HS3ST2: variants seen among roughly 807,000 people sequenced by gnomAD.
HS3ST2 encodes heparan sulfate-glucosamine 3-sulfotransferase 2, also known as heparan sulfate glucosamine 3-O-sulfotransferase 2.
Under a neutral mutation model 26.3 loss-of-function variants are expected in HS3ST2, and 17 were observed. The ratio of observed to expected loss-of-function variants is 0.65; its 90% CI spans 0.44 to 0.97. HS3ST2 has a LOEUF of 0.97. Ranked by LOEUF, HS3ST2 falls within the 50% of genes least tolerant of loss-of-function variation. The pLI is 0.00. For synonymous variants in HS3ST2, 237 were observed against 219.2 expected (o/e 1.08, Z -0.72); for missense variants, 402 against 501.2 (o/e 0.80, Z 1.89).
At chr16:22,841,309 C>T (rs1901352433) in intron 1 of HS3ST2, among the ~76,000 whole-genome samples, 1 of 152,130 alleles carries the variant, frequency 6.6e-6, no homozygotes, top group South Asian at 2.1e-4. Flanking sequence ...GATCTGCCCG[C>T]CTTGGCCTCC....
intron 1 of HS3ST2, among the ~76,000 whole-genome samples, chr16:22,900,098 T>C (rs982436803): frequency 6.6e-6 from 1 of 152,134 alleles, no homozygotes; most frequent in Non-Finnish European, 1.5e-5. Flanking sequence ...TTTTTGAGGG[T>C]CTCCTGCAGG....
chr16:22,820,946 C>G (rs1900982432), intron 1 of HS3ST2, among the ~76,000 whole-genome samples: 1 of 152,146 alleles, frequency 6.6e-6, no homozygotes, highest in Non-Finnish European at 1.5e-5. Flanking sequence ...AGGATGTTTC[C>G]ATACTGATTC....
intron 1 of HS3ST2, among the ~76,000 whole-genome samples, chr16:22,879,076 G>A (rs1291131234): frequency 6.6e-6 from 1 of 152,224 alleles, no homozygotes; most frequent in Non-Finnish European, 1.5e-5. Flanking sequence ...GTTTTCATGA[G>A]CTGAGCACCC....
intron 1 of HS3ST2, among the ~76,000 whole-genome samples, chr16:22,913,119 A>G (rs1260876240): frequency 5.7e-5 from 5 of 87,738 alleles, no homozygotes; most frequent in African/African-American, 1.1e-4. Flanking sequence ...GAAAGAGAAG[A>G]AAGAAAGGAA....
Position 22,851,248 on chromosome 16 carries a change from G to A in HS3ST2, c.485+36153G>A, listed in dbSNP as rs115361209. 3.5e-3 allele frequency among the ~76,000 whole-genome samples: 527 copies of A among 152,356 alleles called. 3 individuals carry two copies. The highest frequency in any genetic ancestry group is 0.012 in the African/African-American group (514 of 41,582). On this transcript the variant is annotated intron_variant, in intron 1 of 1. Coordinates refer to ENST00000261374, the MANE Select transcript of HS3ST2 (RefSeq NM_006043.2). ...GTGAAGAGCATCCTGTGTGTACAGG[G>A]AAGGGAGGAACTGATGGGGCACATA...
intron 1 of HS3ST2, among the ~76,000 whole-genome samples, chr16:22,901,823 C>T (rs1902285398): frequency 6.6e-6 from 1 of 152,200 alleles, no homozygotes; most frequent in African/African-American, 2.4e-5. Context: ...TCCTCCCCCT[C>T]ACTCCACAGT....
chr16:22,858,029 G>A (rs551069804), intron 1 of HS3ST2, among the ~76,000 whole-genome samples: 3 of 151,986 alleles, frequency 2.0e-5, no homozygotes, highest in East Asian at 1.9e-4. Context: ...TGTGCCAGCC[G>A]CCGTGCTAGA....
intron 1 of HS3ST2, among the ~76,000 whole-genome samples, chr16:22,822,426 C>G (rs1019309224): frequency 7.2e-5 from 11 of 152,070 alleles, no homozygotes; most frequent in African/African-American, 2.7e-4. Flanking sequence ...CCTCCACCTC[C>G]TAGAGTGCTG....
intron 1 of HS3ST2, among the ~76,000 whole-genome samples, chr16:22,885,600 C>G (rs1023905599): frequency 6.6e-6 from 1 of 151,822 alleles, no homozygotes; most frequent in Non-Finnish European, 1.5e-5. Flanking sequence ...GGATTACAGG[C>G]GTGCGCCACC....
At chr16:22,840,958 T>G in intron 1 of HS3ST2, among the ~76,000 whole-genome samples, 1 of 126,324 alleles carries the variant, frequency 7.9e-6, no homozygotes, top group Non-Finnish European at 1.7e-5. Context: ...ATGCTATTCC[T>G]CCCCCCTCCC....
At chr16:22,852,357 T>C (rs1402142006) in intron 1 of HS3ST2, among the ~76,000 whole-genome samples, 1 of 152,170 alleles carries the variant, frequency 6.6e-6, no homozygotes, top group Non-Finnish European at 1.5e-5. Flanking sequence ...TGGTAGTAAA[T>C]AGCTACTATA....
chr16:22,877,901 A>G (rs906054602), intron 1 of HS3ST2, among the ~76,000 whole-genome samples: 10 of 152,200 alleles, frequency 6.6e-5, no homozygotes, highest in African/African-American at 2.2e-4. Flanking sequence ...TCTTTCTTGC[A>G]TAGAGGGGGA....
intron 1 of HS3ST2, among the ~76,000 whole-genome samples, chr16:22,864,863 T>C (rs1457414554): frequency 2.5e-5 from 3 of 119,174 alleles, no homozygotes; most frequent in South Asian, 2.7e-4. Flanking sequence ...CTAGGCAACA[T>C]AGGGAGACCC....
chr16:22,881,576 G>A (rs745538345), intron 1 of HS3ST2, among the ~76,000 whole-genome samples: 5 of 152,204 alleles, frequency 3.3e-5, no homozygotes, highest in African/African-American at 9.6e-5. Context: ...CTTGCAGGAA[G>A]CTGACAGGAA....
At chr16:22,863,971 A>G (rs1026633558) in intron 1 of HS3ST2, among the ~76,000 whole-genome samples, 3 of 152,250 alleles carry the variant, frequency 2.0e-5, no homozygotes, top group African/African-American at 7.2e-5. Flanking sequence ...CCTCAAATGT[A>G]TAGAATGAAC....
chr16:22,881,059 T>G (rs1450322767), intron 1 of HS3ST2, among the ~76,000 whole-genome samples: 1 of 152,190 alleles, frequency 6.6e-6, no homozygotes, highest in African/African-American at 2.4e-5. Flanking sequence ...TTTCCATCAC[T>G]TGCAACCAAA....
chr16:22,893,167 A>C (rs948675625), intron 1 of HS3ST2, among the ~76,000 whole-genome samples: 2 of 152,340 alleles, frequency 1.3e-5, no homozygotes, highest in African/African-American at 4.8e-5. Context: ...TAGCTTCGCT[A>C]TTCAGTACCT....
intron 1 of HS3ST2, among the ~76,000 whole-genome samples, chr16:22,824,960 G>A (rs1391541667): frequency 1.3e-5 from 2 of 152,164 alleles, no homozygotes; most frequent in African/African-American, 4.8e-5. Context: ...TGGCACAAGG[G>A]CTTTTTAGGA....
intron 1 of HS3ST2, among the ~76,000 whole-genome samples, chr16:22,901,713 C>T (rs562039524): frequency 6.3e-4 from 96 of 152,280 alleles, no homozygotes; most frequent in African/African-American, 1.7e-3. Context: ...CCACGATCAC[C>T]GTTCCTCCTT....
Sources: gnomAD v4.1 joint callset for allele counts (sites outside exome capture counted in the v4.1 genomes callset) on GRCh38, gnomAD v4.1.1 for gene constraint, MANE v1.5 for transcripts, NCBI Gene and HGNC (gene_info 2026-07-23, HGNC 2026-07-21) for gene names.